ROBO2: variants seen among roughly 807,000 people sequenced by gnomAD.
ROBO2 encodes roundabout guidance receptor 2, also known as roundabout homolog 2.
Under a neutral mutation model 160.8 loss-of-function variants are expected in ROBO2, and 53 were observed. The observed-to-expected ratio is 0.33, with a 90% CI of 0.26 to 0.41. ROBO2 has a LOEUF of 0.41. Ranked by LOEUF, ROBO2 falls within the 10% of genes least tolerant of loss-of-function variation. The pLI is 1.00. For missense variants in ROBO2, 1,577 were observed against 1,722.4 expected (o/e 0.92, Z 1.49); for synonymous variants, 664 against 611.7 (o/e 1.09, Z -1.26).
chr3:77,258,490 G>A (rs1373468513), intron 2 of ROBO2, among the ~76,000 whole-genome samples: 1 of 151,880 alleles, frequency 6.6e-6, no homozygotes, highest in Non-Finnish European at 1.5e-5. Flanking sequence ...GGCCATGGTG[G>A]TACACACCTG....
rs144308624 is a variant in ROBO2, at chr3:76,180,794, T to G, written c.109+243192T>G. Among the ~76,000 whole-genome samples the G allele has an allele frequency of 3.5e-3, 535 of 152,250 alleles. 7 individuals are homozygous for G. The highest frequency in any genetic ancestry group is 0.026 in the Admixed American group (404 of 15,246). On this transcript the variant is annotated intron_variant, in intron 2 of 26. Transcript: ENST00000487694. ...TACACAACTCAACTGCTTCAAAACT[T>G]TCAGTGGTTTTCTATATCATCAAGA... is the stretch of plus-strand genomic sequence containing the variant.
At chr3:77,240,457 G>A (rs1056464948) in intron 2 of ROBO2, among the ~76,000 whole-genome samples, 9 of 152,084 alleles carry the variant, frequency 5.9e-5, no homozygotes, top group Non-Finnish European at 1.0e-4. Flanking sequence ...GTTCCTGCCC[G>A]CGCCTCTCCC....
intron 2 of ROBO2, among the ~76,000 whole-genome samples, chr3:76,570,766 T>C (rs1370382370): frequency 6.6e-6 from 1 of 152,166 alleles, no homozygotes; most frequent in African/African-American, 2.4e-5. Context: ...AAAATGTGAA[T>C]TTTCTGCTCT....
At chr3:77,416,107 A>G (rs72899157) in intron 2 of ROBO2, among the ~76,000 whole-genome samples, 21,203 of 152,034 alleles carry the variant, frequency 0.14, 1,806 homozygotes, top group African/African-American at 0.23. Flanking sequence ...GAAGAATTTT[A>G]TTGAGTGAGA....
rs147540103 is a variant in ROBO2 at position 76,608,869 on chromosome 3, C to T, written c.110-489145C>T. On this transcript the variant is annotated intron_variant, in intron 2 of 26. Transcript: ENST00000487694. ...TAGTTTTTGGTGATTAGTGCACCCA[C>T]CAACTGAGCAGTGTACACTGTATTC... Among the ~76,000 whole-genome samples the T allele has an allele frequency of 1.6e-3, 249 of 152,166 alleles. 1 individual carries two copies. The highest frequency in any genetic ancestry group is 5.9e-3 in the African/African-American group (243 of 41,524).
At chr3:76,878,173 A>C (rs749694254) in intron 2 of ROBO2, among the ~76,000 whole-genome samples, 8 of 146,900 alleles carry the variant, frequency 5.4e-5, no homozygotes, top group Non-Finnish European at 9.0e-5. Context: ...AAGTTTCCTT[A>C]ATGCATGACG....
At chr3:76,255,577 T>G (rs933349641) in intron 2 of ROBO2, among the ~76,000 whole-genome samples, 16 of 151,978 alleles carry the variant, frequency 1.1e-4, no homozygotes, top group African/African-American at 3.9e-4. Flanking sequence ...CATTTCTTTA[T>G]AACTACTATT....
intron 2 of ROBO2, among the ~76,000 whole-genome samples, chr3:76,227,256 C>A (rs1449592146): frequency 6.6e-6 from 1 of 152,184 alleles, no homozygotes; most frequent in Admixed American, 6.6e-5. Flanking sequence ...TAGCTCTGTT[C>A]TTAATGTTCT....
intron 2 of ROBO2, among the ~76,000 whole-genome samples, chr3:76,977,736 A>C (rs376087920): frequency 6.6e-6 from 1 of 152,272 alleles, no homozygotes; most frequent in East Asian, 1.9e-4. Flanking sequence ...CTACAGTTAC[A>C]TGGAGTTGTA....
Position 76,427,839 on chromosome 3 carries a change from A to G in ROBO2, c.109+490237A>G, listed in dbSNP as rs561915062. Among the ~76,000 whole-genome samples, 10 of 152,232 alleles carry G rather than the reference A, an allele frequency of 6.6e-5. No individual in the cohort carries two copies. In the East Asian group the frequency reaches 1.9e-3, roughly 29 times the overall value. Reference sequence around the variant, plus strand: ...ATTTCTTCCAAGAATCTGTTTTTTCAGTGAGTATCTTAGCACAAATATCTT... The same window carrying G: ...ATTTCTTCCAAGAATCTGTTTTTTCGGTGAGTATCTTAGCACAAATATCTT... On this transcript the variant is annotated intron_variant, in intron 2 of 26. Transcript: ENST00000487694.
rs185729831 is a variant in ROBO2, at chr3:77,293,328, T to A, written c.389-184086T>A. Among the ~76,000 whole-genome samples the A allele has an allele frequency of 3.0e-3, 441 of 148,094 alleles. 5 individuals carry two copies. In the Middle Eastern group the frequency reaches 0.035, roughly 12 times the overall value. On this transcript the variant is annotated intron_variant, in intron 2 of 25. Transcript: ENST00000461745. ...TGATGGTTAAACGGGAAGTTGAGGC[T>A]AGAACAGTAAAGACATAAAGTAAAA... is the stretch of plus-strand genomic sequence containing the variant.
rs2066388600 is a variant in ROBO2 at position 76,015,756 on chromosome 3, C to T, written c.109+78154C>T. 2.6e-5 allele frequency among the ~76,000 whole-genome samples: 4 copies of T among 152,248 alleles called. No homozygotes were observed. In the Middle Eastern group the frequency reaches 0.01, roughly 388 times the overall value. ...AGTTAGGCAGCAGTTTTTATGTAGG[C>T]CATTTCCAAATTGCATATAATCAGA... On this transcript the variant is annotated intron_variant, in intron 2 of 26. Coordinates refer to the ROBO2 transcript ENST00000487694.
intron 2 of ROBO2, among the ~76,000 whole-genome samples, chr3:76,352,788 T>A (rs1055781448): frequency 2.6e-5 from 4 of 152,026 alleles, no homozygotes; most frequent in African/African-American, 9.7e-5. Context: ...ATAAACTGTG[T>A]CTGGAAAGTG....
Position 76,342,540 on chromosome 3 carries a change from G to A in ROBO2, c.109+404938G>A, listed in dbSNP as rs541563823. Among the ~76,000 whole-genome samples, 40 of 152,158 alleles carry A rather than the reference G, an allele frequency of 2.6e-4. 1 individual carries two copies. The highest frequency in any genetic ancestry group is 9.6e-4 in the African/African-American group (40 of 41,520). On this transcript the variant is annotated intron_variant, in intron 2 of 26. Transcript: ENST00000487694. Reference sequence around the variant, plus strand: ...AGCATGCCTGCTCTTAGCTCTGGGAGGAAATCGGCTATAAGCAAATCTACC... The same window carrying A: ...AGCATGCCTGCTCTTAGCTCTGGGAAGAAATCGGCTATAAGCAAATCTACC...
rs73095973 is a variant in ROBO2, at chr3:77,391,413, C to T, written c.389-86001C>T. Among the ~76,000 whole-genome samples the T allele has an allele frequency of 8.6e-3, 1,313 of 151,994 alleles. 10 individuals are homozygous for T. Among genetic ancestry groups the T allele is most frequent in the Non-Finnish European group, 0.015 (1,050 of 67,956 alleles). ...CCTCAACCTCCCCACCTCAAGCTGT[C>T]GTCCCAACTCAACCCCCAAGTAGCT... On this transcript the variant is annotated intron_variant, in intron 2 of 25. Coordinates refer to ENST00000461745, the Ensembl canonical transcript of ROBO2.
At chr3:77,151,095 G>T (rs2077514510) in intron 2 of ROBO2, among the ~76,000 whole-genome samples, 1 of 152,040 alleles carries the variant, frequency 6.6e-6, no homozygotes, top group African/African-American at 2.4e-5. Context: ...CTCAAATGTA[G>T]ACCTAGATCT....
At chr3:77,246,457 GT>G (rs1282146953) in intron 2 of ROBO2, among the ~76,000 whole-genome samples, 1 of 151,896 alleles carries the variant, frequency 6.6e-6, no homozygotes, top group African/African-American at 2.4e-5. Flanking sequence ...AAATATGTGG[GT>G]TGGATCAATC....
chr3:77,088,895 A>G (rs2069728648), intron 1 of ROBO2, among the ~76,000 whole-genome samples: 1 of 152,196 alleles, frequency 6.6e-6, no homozygotes, highest in African/African-American at 2.4e-5. Flanking sequence ...CTGTGTTCAT[A>G]AATTTAAATT....
chr3:76,973,958 A>G (rs544732292), intron 2 of ROBO2, among the ~76,000 whole-genome samples: 24 of 152,272 alleles, frequency 1.6e-4, no homozygotes, highest in Non-Finnish European at 3.2e-4. Context: ...CAAAGTGATG[A>G]ACATACAATG....
Sources: allele counts gnomAD v4.1 joint callset (sites outside exome capture counted in the v4.1 genomes callset), GRCh38; gene constraint gnomAD v4.1.1; transcripts MANE v1.5; gene names NCBI Gene and HGNC (gene_info 2026-07-23, HGNC 2026-07-21).